The following OPRM1 variants were observed in gnomAD, a reference collection of about 807,000 sequenced individuals.
OPRM1 encodes opioid receptor mu 1.
OPRM1 carries 27 observed loss-of-function variants against 31.8 expected under a neutral mutation model. The ratio of observed to expected loss-of-function variants is 0.85; its 90% CI spans 0.63 to 1.17. The LOEUF is 1.17. Ranked by LOEUF, OPRM1 falls within the 50% of genes most tolerant of loss-of-function variation. The pLI is 0.00. For synonymous variants in OPRM1, 196 were observed against 189.9 expected, an observed-to-expected ratio of 1.03 and a Z score of -0.26; for missense variants, 536 against 511.1, an observed-to-expected ratio of 1.05 and a Z score of -0.47.
chr6:154,039,584 A>T lies in OPRM1; in HGVS notation c.40A>T (p.Thr14Ser). 1.2e-6 allele frequency: 2 copies of T among 1,613,794 alleles called. No homozygotes were observed. The highest frequency in any genetic ancestry group is 1.7e-6 in the Non-Finnish European group (2 of 1,179,884). ...TGCCCCCACGAACGCCAGCAATTGC[A>T]CTGATGCCTTGGCGTACTCAAGTTG... ...SAAPTNASNC[T>S]DALAYSSCSP... is the part of the protein sequence containing the mutation. The change falls in exon 1 of 4, where the codon ACT becomes TCT. Residue 14 changes from threonine to serine, a missense_variant. Physicochemically the swap from Thr to Ser is moderately conservative, Grantham distance 58. Coordinates refer to ENST00000330432, the MANE Select transcript of OPRM1 (RefSeq NM_000914.5).
At chr6:154,116,411 C>T (rs1326098056) in intron 3 of OPRM1, among the ~76,000 whole-genome samples, 1 of 151,782 alleles carries the variant, frequency 6.6e-6, no homozygotes, top group African/African-American at 2.4e-5. Context: ...CATGGGAAAC[C>T]CCATCTCTAC....
At chr6:154,022,931 C>T (rs1401600802) in intron 1 of OPRM1, among the ~76,000 whole-genome samples, 2 of 152,124 alleles carry the variant, frequency 1.3e-5, no homozygotes, top group Non-Finnish European at 2.9e-5. Flanking sequence ...TATGCCAGTA[C>T]CACACTGTTT....
chr6:154,052,271 C>A (rs1392071535), intron 1 of OPRM1, among the ~76,000 whole-genome samples: 2 of 152,146 alleles, frequency 1.3e-5, no homozygotes, highest in African/African-American at 4.8e-5. Context: ...TGCAGCAAAC[C>A]ACCGTGGCAC....
chr6:154,058,800 T>G (rs547585473), intron 1 of OPRM1, among the ~76,000 whole-genome samples: 1 of 152,236 alleles, frequency 6.6e-6, no homozygotes, highest in African/African-American at 2.4e-5. Context: ...CTAACAATCC[T>G]TAAATACACT....
chr6:154,119,350 A>AAC lies in OPRM1; in HGVS notation c.*633_*634dup. ...GAGATTAGCATGAAAGGTAATCTGA[A>AAC]ACACAGTCATGTGTCAGCTGTAGAA... On this transcript the variant is annotated 3_prime_UTR_variant, in exon 4 of 4. Coordinates refer to ENST00000330432, the MANE Select transcript of OPRM1 (RefSeq NM_000914.5). The AAC allele has an allele frequency of 1.0e-6, 1 of 985,202 alleles. No homozygotes were observed. Among genetic ancestry groups the AAC allele is most frequent in the Non-Finnish European group, 1.2e-6 (1 of 829,710 alleles). The allele number at this position is 985,202 out of a possible 1,614,324, so 61.0% of individuals were successfully genotyped here.
chr6:154,159,744 C>T lies in OPRM1; in HGVS notation c.1164+68272C>T, dbSNP rs2128545769. The T allele has an allele frequency of 1.4e-5, 15 of 1,107,042 alleles. No individual in the cohort carries two copies. In the South Asian group the frequency reaches 2.0e-4, roughly 15 times the overall value. 68.6% of individuals were successfully genotyped at this position (1,107,042 alleles called of 1,614,324 possible). A position where few individuals can be genotyped will look rare whatever the true frequency, so the allele number is the denominator to read the frequency against. ...CTTGAAGGACTGGGTTTCAGTTTTC[C>T]TTTTAAGGAAAAATGTAAGCTTTTG... On this transcript the variant is annotated intron_variant, in intron 3 of 3. Transcript: ENST00000337049.
At position 154,091,300 on chromosome 6, in the gene OPRM1, G is replaced by A. The variant is rs1583487237; in HGVS notation, c.992G>A (p.Ser331Asn). The A allele has an allele frequency of 1.2e-6, 2 of 1,614,180 alleles. No individual in the cohort carries two copies. The highest frequency in any genetic ancestry group is 1.6e-4 in the Middle Eastern group (1 of 6,062). The change falls in exon 3 of 4, where the codon AGC becomes AAC. Residue 331 changes from serine to asparagine, a missense_variant. Physicochemically the swap from Ser to Asn is conservative, Grantham distance 46. Transcript: ENST00000330432. Reference protein sequence around the residue: ...HFCIALGYTNSCLNPVLYAFL... With the variant: ...HFCIALGYTNNCLNPVLYAFL... ...TGCATTGCTCTAGGTTACACAAACAGCTGCCTCAACCCAGTCCTTTATGCA... is the reference window on the plus strand; with the variant it reads ...TGCATTGCTCTAGGTTACACAAACAACTGCCTCAACCCAGTCCTTTATGCA...
chr6:154,036,548 G>T (rs758991660), upstream of OPRM1, among the ~76,000 whole-genome samples: 33 of 152,008 alleles, frequency 2.2e-4, no homozygotes, highest in South Asian at 8.3e-4. Context: ...TGGGAATGGG[G>T]TTGCTCTTTG....
intron 3 of OPRM1, chr6:154,157,789 C>T (rs1434494318): frequency 6.6e-6 from 1 of 152,210 alleles, no homozygotes; most frequent in African/African-American, 2.4e-5. Flanking sequence ...ATTGCCAATC[C>T]TAAATAATTT....
chr6:154,030,071 A>G (rs755996708), intron 1 of OPRM1, among the ~76,000 whole-genome samples: 2 of 151,954 alleles, frequency 1.3e-5, no homozygotes. Flanking sequence ...CCAGTCTCAG[A>G]TATGTTTTAT....
intron 3 of OPRM1, among the ~76,000 whole-genome samples, chr6:154,236,769 G>T (rs1337927304): frequency 6.6e-6 from 1 of 152,078 alleles, no homozygotes; most frequent in East Asian, 1.9e-4. Context: ...GATGGTGGGT[G>T]GTTTGCCTAG....
upstream of OPRM1, among the ~76,000 whole-genome samples, chr6:154,034,941 G>C (rs1190336194): frequency 2.6e-5 from 4 of 152,118 alleles, no homozygotes; most frequent in Non-Finnish European, 4.4e-5. Flanking sequence ...AAAAGAATCA[G>C]GTCCTTTAAG....
chr6:154,213,534 C>T (rs1005984013), intron 3 of OPRM1, among the ~76,000 whole-genome samples: 35 of 152,132 alleles, frequency 2.3e-4, no homozygotes, highest in African/African-American at 8.4e-4. Flanking sequence ...GCCACTTTTC[C>T]ATTTCTAACT....
intron 3 of OPRM1, among the ~76,000 whole-genome samples, chr6:154,227,781 G>T (rs759473320): frequency 1.4e-4 from 22 of 152,070 alleles, no homozygotes; most frequent in Non-Finnish European, 2.6e-4. Context: ...ATCTTCATTT[G>T]GGTGGATTCC....
intron 1 of OPRM1, among the ~76,000 whole-genome samples, chr6:154,088,765 T>C (rs534545157): frequency 1.3e-5 from 2 of 152,350 alleles, no homozygotes; most frequent in South Asian, 2.1e-4. Flanking sequence ...TCATCATGGA[T>C]TGGATAGAGT....
chr6:154,231,517 C>T (rs972055917), intron 3 of OPRM1, among the ~76,000 whole-genome samples: 1 of 152,248 alleles, frequency 6.6e-6, no homozygotes, highest in Admixed American at 6.5e-5. Context: ...GTTGAATACA[C>T]TGTGGTATCC....
chr6:154,237,715 T>A (rs1449317754), intron 3 of OPRM1, among the ~76,000 whole-genome samples: 1 of 152,152 alleles, frequency 6.6e-6, no homozygotes, highest in African/African-American at 2.4e-5. Context: ...CAGGTGCCAT[T>A]TGTCCCTTAT....
rs1361514744 is a variant in OPRM1 at position 154,170,178 on chromosome 6, C to T, written c.1165-76515C>T. 3.9e-5 allele frequency among the ~76,000 whole-genome samples: 6 copies of T among 152,116 alleles called. No individual in the cohort carries two copies. In the East Asian group the frequency reaches 1.2e-3, roughly 29 times the overall value. ...TCACTAAGAACGTTAGTCTATTTTT[C>T]CTTTATTCCTTGGAAGAAAGCTTGG... On this transcript the variant is annotated intron_variant, in intron 3 of 3. Coordinates refer to the OPRM1 transcript ENST00000337049.
At chr6:154,162,245 C>T (rs776276561) in intron 3 of OPRM1, among the ~76,000 whole-genome samples, 3 of 152,202 alleles carry the variant, frequency 2.0e-5, no homozygotes, top group Non-Finnish European at 2.9e-5. Flanking sequence ...CAGATCCCCT[C>T]CAGCAGTCTC....
Sources: allele counts gnomAD v4.1 joint callset (sites outside exome capture counted in the v4.1 genomes callset), GRCh38; gene constraint gnomAD v4.1.1; transcripts MANE v1.5; gene names NCBI Gene and HGNC (gene_info 2026-07-23, HGNC 2026-07-21).